Variants in LEF1 observed in about 807,000 individuals in gnomAD.
The protein encoded by LEF1 is lymphoid enhancer-binding factor 1.
LEF1 carries 14 observed loss-of-function variants against 51.2 expected under a neutral mutation model. The observed-to-expected ratio is 0.27, with a 90% CI of 0.18 to 0.43. The LOEUF (loss-of-function observed/expected upper bound fraction) is 0.43, where lower values mean the gene tolerates loss of function less well. Among genes scored for constraint, LEF1 ranks in the 20% least tolerant of loss-of-function variants. The probability of loss-of-function intolerance (pLI) is 1.00; values close to 1 mark genes in which losing one functional copy is unlikely to be tolerated. For synonymous variants in LEF1, 185 were observed against 183.2 expected, an observed-to-expected ratio of 1.01 and a Z score of -0.08; for missense variants, 386 against 512.0, an observed-to-expected ratio of 0.75 and a Z score of 2.37.
chr4:108,165,002 C>T, intron 2 of LEF1, 95 bp downstream of exon 2: 2 of 1,030,204 alleles, frequency 1.9e-6, no homozygotes, highest in Non-Finnish European at 3.0e-6. Context: ...GACCTAGTCC[C>T]AGTTTCTTGA....
At chr4:108,089,751 A>G (rs1739885004) in intron 3 of LEF1, among the ~76,000 whole-genome samples, 3 of 152,214 alleles carry the variant, frequency 2.0e-5, no homozygotes, top group Non-Finnish European at 4.4e-5. Flanking sequence ...CCCAATAAAT[A>G]TAAATTTCCT....
chr4:108,054,272 G>A (rs938648331), intron 11 of LEF1, among the ~76,000 whole-genome samples: 4 of 152,332 alleles, frequency 2.6e-5, no homozygotes, highest in Admixed American at 1.3e-4. Flanking sequence ...GGTGCGCTGC[G>A]GGATGTGGGA....
intron 11 of LEF1, among the ~76,000 whole-genome samples, chr4:108,060,550 G>A (rs1451086657): frequency 6.6e-6 from 1 of 152,016 alleles, no homozygotes; most frequent in Non-Finnish European, 1.5e-5. Flanking sequence ...ATAACGTGAC[G>A]CTCTGTTCCC....
At chr4:108,158,282 G>GT (rs1473189270) in intron 3 of LEF1, among the ~76,000 whole-genome samples, 1 of 152,166 alleles carries the variant, frequency 6.6e-6, no homozygotes, top group Non-Finnish European at 1.5e-5. Flanking sequence ...GTAAGGACAT[G>GT]TAAGGATAGC....
chr4:108,126,497 T>A (rs925465589), intron 3 of LEF1, among the ~76,000 whole-genome samples: 3 of 152,136 alleles, frequency 2.0e-5, no homozygotes, highest in Non-Finnish European at 2.9e-5. Flanking sequence ...TATTCTTTTT[T>A]AATAAAAATT....
intron 3 of LEF1, among the ~76,000 whole-genome samples, chr4:108,125,707 C>T (rs1742482615): frequency 6.6e-6 from 1 of 150,850 alleles, no homozygotes; most frequent in Non-Finnish European, 1.5e-5. Flanking sequence ...ACATAACACA[C>T]CTTGGGATTT....
At chr4:108,145,859 GA>G (rs1484438877) in intron 3 of LEF1, among the ~76,000 whole-genome samples, 1 of 152,160 alleles carries the variant, frequency 6.6e-6, no homozygotes, top group African/African-American at 2.4e-5. Flanking sequence ...GAGATAAGGG[GA>G]TAATAGCTAA....
chr4:108,067,559 C>T (rs748569484), intron 9 of LEF1, among the ~76,000 whole-genome samples: 23 of 147,918 alleles, frequency 1.6e-4, no homozygotes, highest in Non-Finnish European at 2.5e-4. Flanking sequence ...GAGACAGTTT[C>T]GCACTTGTCA....
chr4:108,083,347 G>A lies in LEF1; in HGVS notation c.638+9C>T. 1 of 1,586,814 alleles carries A rather than the reference G, an allele frequency of 6.3e-7. No individual in the cohort carries two copies. On this transcript the variant is annotated intron_variant, in intron 5 of 11. Coordinates refer to ENST00000265165, the MANE Select transcript of LEF1 (RefSeq NM_016269.5). ...AATGCCTGGCTGAAGGGTGCAGCAA[G>A]GTTCTTACCAGCCAAGAGGTGGGGT...
At chr4:108,120,774 C>A (rs931930365) in intron 3 of LEF1, among the ~76,000 whole-genome samples, 1 of 152,180 alleles carries the variant, frequency 6.6e-6, no homozygotes. Flanking sequence ...GTCAATATCA[C>A]CACTGAACTC....
chr4:108,063,057 G>A (rs1196243969), intron 11 of LEF1, among the ~76,000 whole-genome samples: 1 of 152,060 alleles, frequency 6.6e-6, no homozygotes, highest in Non-Finnish European at 1.5e-5. Context: ...CCAATAAAGA[G>A]AAATACTTGA....
intron 11 of LEF1, among the ~76,000 whole-genome samples, chr4:108,052,172 A>C (rs1220873268): frequency 6.6e-6 from 1 of 152,166 alleles, no homozygotes; most frequent in Admixed American, 6.5e-5. Context: ...CTCAGGGCTC[A>C]CTGGCCAGTC....
At chr4:108,085,243 C>G (rs996428355) in intron 4 of LEF1, among the ~76,000 whole-genome samples, 2 of 152,208 alleles carry the variant, frequency 1.3e-5, no homozygotes, top group Non-Finnish European at 2.9e-5. Context: ...CGCGTGCCAC[C>G]ATGCCCAATT....
chr4:108,058,812 G>A (rs1737476712), intron 11 of LEF1, among the ~76,000 whole-genome samples: 2 of 152,312 alleles, frequency 1.3e-5, no homozygotes, highest in South Asian at 4.1e-4. Flanking sequence ...CGCCTAACAG[G>A]ATTCGTGACT....
chr4:108,100,873 T>C (rs1406733199), intron 3 of LEF1, among the ~76,000 whole-genome samples: 2 of 152,234 alleles, frequency 1.3e-5, no homozygotes, highest in Admixed American at 1.3e-4. Flanking sequence ...TTTATTTCTT[T>C]GACAAACAAG....
At chr4:108,114,246 CA>C (rs142797423) in intron 3 of LEF1, among the ~76,000 whole-genome samples, 1,627 of 152,186 alleles carry the variant, frequency 0.011, 12 homozygotes, top group African/African-American at 0.017. Context: ...ACTTGGTAAG[CA>C]AACTAATTTA....
At chr4:108,060,140 G>C (rs903419775) in intron 11 of LEF1, among the ~76,000 whole-genome samples, 1 of 152,138 alleles carries the variant, frequency 6.6e-6, no homozygotes, top group African/African-American at 2.4e-5. Flanking sequence ...AGGACACAAG[G>C]TAGCCATCCT....
chr4:108,151,023 A>C (rs1744329622), intron 3 of LEF1, among the ~76,000 whole-genome samples: 1 of 152,218 alleles, frequency 6.6e-6, no homozygotes, highest in Non-Finnish European at 1.5e-5. Context: ...GACCAAAAAG[A>C]TGCCCATAAT....
rs559692717 is a variant in LEF1, at chr4:108,168,716, C to G, written c.-949G>C. On this transcript the variant is annotated 5_prime_UTR_variant, in exon 1 of 12. Coordinates refer to ENST00000265165, the MANE Select transcript of LEF1 (RefSeq NM_016269.5). This position sits in a 1 kb window ranked among gnomAD's most constrained non-coding sequence, Gnocchi z 4.6. Reference sequence around the variant, plus strand: ...GGCTCGAGTTTCTCAGCCTGGCTCGCCGGCTCGCCGCTCTGCACGCCTCCG... The same window carrying G: ...GGCTCGAGTTTCTCAGCCTGGCTCGGCGGCTCGCCGCTCTGCACGCCTCCG... 6.6e-6 allele frequency: 1 copy of G among 152,408 alleles called. No individual in the cohort carries two copies. Among genetic ancestry groups the G allele is most frequent in the East Asian group, 1.9e-4 (1 of 5,142 alleles). The allele number at this position is 152,408 out of a possible 1,614,324, so 9.4% of individuals were successfully genotyped here. A position where few individuals can be genotyped will look rare whatever the true frequency, so the allele number is the denominator to read the frequency against.
Sources: gnomAD v4.1 joint callset for allele counts (sites outside exome capture counted in the v4.1 genomes callset) on GRCh38, gnomAD v4.1.1 for gene constraint, Gnocchi (gnomAD v3.1) non-coding constraint, MANE v1.5 for transcripts, NCBI Gene and HGNC (gene_info 2026-07-23, HGNC 2026-07-21) for gene names.